The following STXBP6 variants were observed in gnomAD, a reference collection of about 807,000 sequenced individuals.
The protein encoded by STXBP6 is syntaxin-binding protein 6.
STXBP6 carries 21 observed loss-of-function variants against 26.9 expected under a neutral mutation model. The observed-to-expected ratio is 0.78, with a 90% CI of 0.55 to 1.12. The LOEUF is 1.12. Ranked by LOEUF, STXBP6 falls within the 50% of genes most tolerant of loss-of-function variation. STXBP6 has a pLI of 0.00. For missense variants in STXBP6, 232 were observed against 257.9 expected (o/e 0.90, Z 0.69); for synonymous variants, 97 against 92.6 (o/e 1.05, Z -0.27).
rs371042822 is a variant in STXBP6, at chr14:24,836,217, C to A, written c.452-17023G>T. Among the ~76,000 whole-genome samples the A allele has an allele frequency of 5.3e-5, 8 of 152,288 alleles. No homozygotes were observed. The South Asian group carries it at 1.7e-3, about 32-fold the overall frequency. The stretch of plus-strand genomic sequence containing the variant: ...ATACTTGATTCAGTACAGAAAGAGA[C>A]TTTGTAAGTGTAAAATATTTTATTT... On this transcript the variant is annotated intron_variant, in intron 4 of 5. Transcript: ENST00000323944.
At chr14:25,033,401 C>G (rs1302401147) in intron 1 of STXBP6, among the ~76,000 whole-genome samples, 5 of 152,196 alleles carry the variant, frequency 3.3e-5, no homozygotes, top group Non-Finnish European at 7.3e-5. Context: ...TGGACTTCCA[C>G]AATCAATTCA....
chr14:24,831,417 G>A (rs886518347), intron 4 of STXBP6, among the ~76,000 whole-genome samples: 10 of 152,096 alleles, frequency 6.6e-5, no homozygotes, highest in Non-Finnish European at 1.5e-4. Context: ...TATATCACAT[G>A]CATTATATGG....
Position 24,899,492 on chromosome 14 carries a change from A to T in STXBP6, c.155-42335T>A, listed in dbSNP as rs184698066. ...TACATAGGGCACCAAGAAAGTGAGT[A>T]ACTTATGGCCGGGTGTGGTGGCTCA... is the stretch of plus-strand genomic sequence containing the variant. On this transcript the variant is annotated intron_variant, in intron 2 of 5. Transcript: ENST00000323944. 2.3e-3 allele frequency among the ~76,000 whole-genome samples: 347 copies of T among 152,224 alleles called. 2 individuals are homozygous for T. Among genetic ancestry groups the T allele is most frequent in the Non-Finnish European group, 3.6e-3 (242 of 68,016 alleles).
At chr14:24,938,912 G>A (rs2072700931) in intron 2 of STXBP6, among the ~76,000 whole-genome samples, 1 of 152,134 alleles carries the variant, frequency 6.6e-6, no homozygotes, top group Admixed American at 6.6e-5. Flanking sequence ...CAAAGGCAGA[G>A]GGTTGATGTC....
chr14:24,965,303 T>C (rs1272665283), intron 2 of STXBP6, among the ~76,000 whole-genome samples: 1 of 127,726 alleles, frequency 7.8e-6, no homozygotes, highest in Non-Finnish European at 1.7e-5. Flanking sequence ...GGGTCACGGA[T>C]GCCTGTCATA....
chr14:25,012,595 G>A (rs892699466), intron 1 of STXBP6, among the ~76,000 whole-genome samples: 28 of 151,992 alleles, frequency 1.8e-4, no homozygotes, highest in African/African-American at 5.8e-4. Context: ...GCAAGGCTCT[G>A]TCTCAAAAAC....
intron 2 of STXBP6, among the ~76,000 whole-genome samples, chr14:24,868,564 C>G (rs1745005922): frequency 6.6e-6 from 1 of 152,096 alleles, no homozygotes; most frequent in African/African-American, 2.4e-5. Flanking sequence ...TACATGGAGT[C>G]AGAGACAAAA....
intron 2 of STXBP6, among the ~76,000 whole-genome samples, chr14:24,864,479 G>C (rs900812073): frequency 6.6e-6 from 1 of 152,120 alleles, no homozygotes; most frequent in Non-Finnish European, 1.5e-5. Flanking sequence ...AAGCAGGTGA[G>C]GGAAGGGCCT....
At chr14:24,910,468 A>ATTT (rs1356459997) in intron 2 of STXBP6, among the ~76,000 whole-genome samples, 20 of 152,354 alleles carry the variant, frequency 1.3e-4, no homozygotes, top group African/African-American at 4.6e-4. Context: ...TAAATGGATG[A>ATTT]AAAATGGAAC....
At chr14:25,020,924 C>T (rs1004694409) in intron 1 of STXBP6, among the ~76,000 whole-genome samples, 4 of 152,212 alleles carry the variant, frequency 2.6e-5, no homozygotes, top group Middle Eastern at 3.2e-3. Context: ...CACCTGGACA[C>T]TGGAGAAAGC....
chr14:24,875,832 ATGAGT>A (rs2070122284), intron 2 of STXBP6, among the ~76,000 whole-genome samples: 1 of 152,154 alleles, frequency 6.6e-6, no homozygotes, highest in Admixed American at 6.5e-5. Context: ...GGGAGGGGAA[ATGAGT>A]TGAGGGGTGG....
intron 1 of STXBP6, among the ~76,000 whole-genome samples, chr14:25,021,296 T>C (rs989422464): frequency 6.6e-6 from 1 of 152,148 alleles, no homozygotes; most frequent in Non-Finnish European, 1.5e-5. Flanking sequence ...CAGGCTCACA[T>C]GATCAATTCT....
chr14:24,886,851 C>T (rs778152491), intron 2 of STXBP6, among the ~76,000 whole-genome samples: 4 of 152,194 alleles, frequency 2.6e-5, no homozygotes, highest in African/African-American at 4.8e-5. Flanking sequence ...ATCCAAGTTT[C>T]CCAACTCCTA....
chr14:24,956,275 G>A (rs2073342463), intron 2 of STXBP6, among the ~76,000 whole-genome samples: 1 of 152,104 alleles, frequency 6.6e-6, no homozygotes, highest in South Asian at 2.1e-4. Flanking sequence ...TACAGAGACT[G>A]GCCACACCCA....
At chr14:24,835,010 T>G (rs186244488) in intron 4 of STXBP6, among the ~76,000 whole-genome samples, 9 of 152,200 alleles carry the variant, frequency 5.9e-5, no homozygotes, top group Non-Finnish European at 1.2e-4. Context: ...CCTGAATACA[T>G]AGAAGGTATA....
chr14:25,039,908 C>T (rs2075615958), intron 1 of STXBP6, among the ~76,000 whole-genome samples: 1 of 151,954 alleles, frequency 6.6e-6, no homozygotes, highest in South Asian at 2.1e-4. Context: ...AGGATTTCAC[C>T]ATGTTGGCCA....
intron 1 of STXBP6, among the ~76,000 whole-genome samples, chr14:24,994,605 T>C (rs1351310730): frequency 1.3e-5 from 2 of 152,210 alleles, no homozygotes; most frequent in Non-Finnish European, 2.9e-5. Context: ...CTTCTTCCAT[T>C]GTAGCAGTAA....
At chr14:24,882,298 G>C (rs2070393221) in intron 2 of STXBP6, among the ~76,000 whole-genome samples, 1 of 141,462 alleles carries the variant, frequency 7.1e-6, no homozygotes, top group African/African-American at 2.6e-5. Context: ...AGAATGGCGT[G>C]AACCCGGGAG....
At chr14:25,018,726 C>A (rs1034714540) in intron 1 of STXBP6, among the ~76,000 whole-genome samples, 1 of 152,216 alleles carries the variant, frequency 6.6e-6, no homozygotes, top group African/African-American at 2.4e-5. Flanking sequence ...TTGCTTCCTT[C>A]TATGTCACAC....
Sources: allele counts gnomAD v4.1 joint callset (sites outside exome capture counted in the v4.1 genomes callset), GRCh38; gene constraint gnomAD v4.1.1; transcripts MANE v1.5; gene names NCBI Gene and HGNC (gene_info 2026-07-23, HGNC 2026-07-21).